Variants in VWA5B1 observed in about 807,000 individuals in gnomAD.
VWA5B1 encodes the protein von Willebrand factor A domain containing 5B1, also known as von Willebrand factor A domain-containing protein 5B1.
In VWA5B1, 115 loss-of-function variants were observed where a neutral mutation model predicts 118.2. The observed-to-expected ratio is 0.97, with a 90% CI of 0.84 to 1.14. The LOEUF is 1.14. VWA5B1 is among the 50% of genes most tolerant of loss of function. The pLI is 0.00. For missense variants in VWA5B1, 1,596 were observed against 1,603.8 expected (o/e 1.00, Z 0.08); for synonymous variants, 682 against 658.4 (o/e 1.04, Z -0.55).
chr1:20,306,271 G>A (rs891015826), intron 1 of VWA5B1, among the ~76,000 whole-genome samples: 1 of 152,056 alleles, frequency 6.6e-6, no homozygotes, highest in Non-Finnish European at 1.5e-5. Flanking sequence ...GCACGTGCAT[G>A]TCTAGAGGCT....
intron 1 of VWA5B1, among the ~76,000 whole-genome samples, chr1:20,291,515 G>A (rs1161426166): frequency 2.0e-5 from 3 of 150,748 alleles, no homozygotes; most frequent in Non-Finnish European, 4.4e-5. Context: ...CTGTGTCTCT[G>A]TCTCTCTCTT....
chr1:20,352,650 T>C (rs566972480), intron 21 of VWA5B1, among the ~76,000 whole-genome samples: 1 of 152,248 alleles, frequency 6.6e-6, no homozygotes, highest in Non-Finnish European at 1.5e-5. Flanking sequence ...GGAGTGGGCT[T>C]CTCTGAATTA....
At chr1:20,344,768 C>G (rs61770715) in intron 16 of VWA5B1, among the ~76,000 whole-genome samples, 7,954 of 152,212 alleles carry the variant, frequency 0.052, 284 homozygotes, top group Non-Finnish European at 0.073. Flanking sequence ...TTATATTTTA[C>G]TTGTATTTTT....
intron 6 of VWA5B1, 27 bp from the exon 7 acceptor site, chr1:20,319,355 T>G (rs924207339): frequency 6.5e-7 from 1 of 1,549,386 alleles, no homozygotes; most frequent in African/African-American, 1.4e-5. Context: ...CCTGGCCAAG[T>G]GCTGAAAGTC....
intron 10 of VWA5B1, among the ~76,000 whole-genome samples, chr1:20,330,584 C>T (rs1006231765): frequency 6.6e-6 from 1 of 152,226 alleles, no homozygotes; most frequent in African/African-American, 2.4e-5. Flanking sequence ...GCTACCCATG[C>T]CTCTGCACAC....
rs2089986715 is a variant in VWA5B1, at chr1:20,345,458, T to G, written c.2629T>G (p.Ser877Ala). 6.4e-7 allele frequency: 1 copy of G among 1,550,724 alleles called. No individual in the cohort carries two copies. Residue 877 changes from serine (S) to alanine (A), a missense_variant and splice_region_variant, in exon 17 of 22, where the codon TCC becomes GCC. By Grantham distance (99) the Ser-to-Ala change is moderately conservative (BLOSUM62 1). Transcript: ENST00000289815. ...GACCCCAGTTTCTCCCTCCACAGGGTCCAACCGCCGCTACCAAGTGAGCGC... is the reference window on the plus strand; with the variant it reads ...GACCCCAGTTTCTCCCTCCACAGGGGCCAACCGCCGCTACCAAGTGAGCGC... ...AEREGEIEQG[S>A]NRRYQVSALH...
chr1:20,339,378 C>A (rs1009799397), intron 14 of VWA5B1, among the ~76,000 whole-genome samples: 2 of 151,846 alleles, frequency 1.3e-5, no homozygotes, highest in Non-Finnish European at 2.9e-5. Flanking sequence ...CCTGTCTCTA[C>A]AAAAAATACA....
chr1:20,350,779 C>T, intron 19 of VWA5B1, 78 bp from the exon 20 acceptor site: 5 of 1,399,104 alleles, frequency 3.6e-6, no homozygotes, highest in Non-Finnish European at 5.0e-6. Flanking sequence ...CTCTAGGCCT[C>T]TGTTCCCCCA....
chr1:20,311,703 C>T (rs2088853648), intron 2 of VWA5B1, among the ~76,000 whole-genome samples: 2 of 152,168 alleles, frequency 1.3e-5, no homozygotes, highest in Admixed American at 1.3e-4. Context: ...CTCATAACCA[C>T]CAAACTTCAT....
At chr1:20,296,090 T>C (rs1291794381) in intron 1 of VWA5B1, among the ~76,000 whole-genome samples, 1 of 152,204 alleles carries the variant, frequency 6.6e-6, no homozygotes, top group Non-Finnish European at 1.5e-5. Context: ...CTCGAACTCC[T>C]GACCTCAGGT....
chr1:20,348,359 G>A lies in VWA5B1; in HGVS notation c.2878+1G>A. 1.3e-6 allele frequency: 2 copies of A among 1,551,636 alleles called. No homozygotes were observed. Among genetic ancestry groups the A allele is most frequent in the Non-Finnish European group, 1.7e-6 (2 of 1,147,036 alleles). On this transcript the variant is annotated splice_donor_variant, in intron 18 of 21. Coordinates refer to ENST00000289815, the MANE Select transcript of VWA5B1 (RefSeq NM_001039500.3). LOFTEE classifies it high-confidence loss of function. ...GGAGAAGATTCGGCACCAGGAAATGGTAAATTTCAGGCCCTAAGTAAGAGC... is the reference window on the plus strand; with the variant it reads ...GGAGAAGATTCGGCACCAGGAAATGATAAATTTCAGGCCCTAAGTAAGAGC...
intron 1 of VWA5B1, among the ~76,000 whole-genome samples, chr1:20,300,528 G>A (rs542662462): frequency 2.6e-5 from 4 of 152,306 alleles, no homozygotes; most frequent in Admixed American, 6.5e-5. Flanking sequence ...TGAAGGTGGA[G>A]TCCAAATCCC....
Position 20,336,327 on chromosome 1 carries a change from C to T in VWA5B1, c.1783C>T (p.Leu595=). The T allele has an allele frequency of 6.6e-7, 1 of 1,504,794 alleles. No homozygotes were observed. The highest frequency in any genetic ancestry group is 8.9e-7 in the Non-Finnish European group (1 of 1,121,756). The allele number at this position is 1,504,794 out of a possible 1,614,324, so 93.2% of individuals were successfully genotyped here. A position where few individuals can be genotyped will look rare whatever the true frequency, so the allele number is the denominator to read the frequency against. ...GGACAAGAGGCGCCGGTACAGCATG[C>T]TGCACTCTCAGGAGTCTGGCAGCTC... is the stretch of plus-strand genomic sequence containing the variant. ...RSDKRRRYSM[L]HSQESGSSVF... Residue 595 remains leucine, a synonymous_variant, in exon 13 of 22, where the codon CTG becomes TTG. Coordinates refer to ENST00000289815, the MANE Select transcript of VWA5B1 (RefSeq NM_001039500.3).
At position 20,328,135 on chromosome 1, in the gene VWA5B1, C is replaced by T. The variant is rs565462247; in HGVS notation, c.1254+135C>T. On this transcript the variant is annotated intron_variant, in intron 9 of 21. Coordinates refer to ENST00000289815, the MANE Select transcript of VWA5B1 (RefSeq NM_001039500.3). ...GCCTACCCACAGAGAACCCAGATCA[C>T]ACCCGGGGGCAGAGAACTGAAGAGA... 6.4e-5 allele frequency: 49 copies of T among 763,226 alleles called. No individual in the cohort carries two copies. In the African/African-American group the frequency reaches 8.3e-4, roughly 13 times the overall value. The allele number at this position is 763,226 out of a possible 1,614,324, so 47.3% of individuals were successfully genotyped here. A position where few individuals can be genotyped will look rare whatever the true frequency, so the allele number is the denominator to read the frequency against.
At chr1:20,304,063 C>A (rs1285252266) in intron 1 of VWA5B1, among the ~76,000 whole-genome samples, 1 of 152,170 alleles carries the variant, frequency 6.6e-6, no homozygotes, top group Non-Finnish European at 1.5e-5. Context: ...TATTCAGAGC[C>A]CCTCCTCCAA....
At chr1:20,334,513 A>G (rs1233634742) in intron 12 of VWA5B1, among the ~76,000 whole-genome samples, 6 of 152,202 alleles carry the variant, frequency 3.9e-5, no homozygotes, top group Non-Finnish European at 2.9e-5. Context: ...AGAAATAACT[A>G]ATAAAATTAG....
intron 9 of VWA5B1, 87 bp downstream of exon 9, chr1:20,328,087 C>T: frequency 1.5e-6 from 2 of 1,308,748 alleles, no homozygotes; most frequent in Non-Finnish European, 2.2e-6. Flanking sequence ...ATAGTTAAAA[C>T]CCTAGTGCTG....
chr1:20,328,588 T>C (rs1282932728), intron 9 of VWA5B1, among the ~76,000 whole-genome samples: 1 of 152,116 alleles, frequency 6.6e-6, no homozygotes, highest in East Asian at 1.9e-4. Context: ...TGGGACACTT[T>C]TCAACTAAAA....
At chr1:20,353,289 T>C (rs1384855454) in intron 21 of VWA5B1, among the ~76,000 whole-genome samples, 2 of 152,152 alleles carry the variant, frequency 1.3e-5, no homozygotes, top group African/African-American at 4.8e-5. Context: ...AAGTGTGTGA[T>C]CTATGCCTCT....
Sources: gnomAD v4.1 joint callset for allele counts (sites outside exome capture counted in the v4.1 genomes callset) on GRCh38, gnomAD v4.1.1 for gene constraint, MANE v1.5 for transcripts, NCBI Gene and HGNC (gene_info 2026-07-23, HGNC 2026-07-21) for gene names.